The following DCLRE1C variants were observed in gnomAD, a reference collection of about 807,000 sequenced individuals.
DCLRE1C encodes protein artemis.
DCLRE1C carries 47 observed loss-of-function variants against 61.4 expected under a neutral mutation model. The ratio of observed to expected loss-of-function variants is 0.77; its 90% CI spans 0.61 to 0.98. The LOEUF (loss-of-function observed/expected upper bound fraction) is 0.98, where lower values mean the gene tolerates loss of function less well. Among genes scored for constraint, DCLRE1C ranks in the 50% least tolerant of loss-of-function variants. The probability of loss-of-function intolerance (pLI) is 0.00; values close to 1 mark genes in which losing one functional copy is unlikely to be tolerated. For missense variants in DCLRE1C, 858 were observed against 816.0 expected, an observed-to-expected ratio of 1.05 and a Z score of -0.63; for synonymous variants, 337 against 287.6, an observed-to-expected ratio of 1.17 and a Z score of -1.74.
At chr10:14,901,130 T>C (rs1379104754), downstream of DCLRE1C, 2 of 1,613,672 alleles carry the variant, frequency 1.2e-6, no homozygotes, top group Non-Finnish European at 1.7e-6. Context: ...TGTTCCTTTT[T>C]AGTGTGACCC....
Position 14,908,920 on chromosome 10 carries a change from T to C in DCLRE1C, c.1567A>G (p.Ser523Gly). ...AGGSQSPKLF[S>G]DSDGESTHIS... ...TGAGTTGATTCTCCATCAGAGTCAC[T>C]GAAAAGCTTTGGTGACTGAGATCCC... The change falls in exon 14 of 14, where the codon AGT becomes GGT. Residue 523 changes from serine to glycine, a missense_variant. Physicochemically the swap from Ser to Gly is moderately conservative, Grantham distance 56. This residue lies in a region of DCLRE1C where 843 missense variants were observed against 783.5 expected (regional missense o/e 1.08). Coordinates refer to ENST00000378278, the MANE Select transcript of DCLRE1C (RefSeq NM_001033855.3). The C allele has an allele frequency of 6.2e-7, 1 of 1,614,224 alleles. No homozygotes were observed. Among genetic ancestry groups the C allele is most frequent in the East Asian group, 2.2e-5 (1 of 44,880 alleles).
At chr10:14,935,935 G>C (rs1217785539) in intron 5 of DCLRE1C, among the ~76,000 whole-genome samples, 2 of 152,202 alleles carry the variant, frequency 1.3e-5, no homozygotes, top group Admixed American at 6.5e-5. Context: ...TGAGATAAGA[G>C]TCTTGCTCTG....
chr10:14,942,113 C>T (rs1238525125), intron 3 of DCLRE1C: 1 of 152,214 alleles, frequency 6.6e-6, no homozygotes, highest in Non-Finnish European at 1.5e-5. Flanking sequence ...ACATTGCTGA[C>T]CTTCTGGCTT....
At chr10:14,917,288 G>C (rs1244540013) in intron 13 of DCLRE1C, among the ~76,000 whole-genome samples, 1 of 152,054 alleles carries the variant, frequency 6.6e-6, no homozygotes, top group Non-Finnish European at 1.5e-5. Flanking sequence ...ACCTAAAATT[G>C]TAACAACTTC....
chr10:14,911,446 G>T (rs1275970893), intron 13 of DCLRE1C: 1 of 152,064 alleles, frequency 6.6e-6, no homozygotes, highest in Non-Finnish European at 1.5e-5. Context: ...GACCTAAAAA[G>T]GTAAAATTCA....
At chr10:14,901,150 G>A, downstream of DCLRE1C, 1 of 1,613,850 alleles carries the variant, frequency 6.2e-7, no homozygotes, top group Non-Finnish European at 8.5e-7. Context: ...CAAATCTTCA[G>A]GTGTTCAATG....
chr10:14,897,536 G>T, exon 14 of DCLRE1C: 1 of 1,491,828 alleles, frequency 6.7e-7, no homozygotes, highest in Non-Finnish European at 8.9e-7. Flanking sequence ...CATTTGCCAC[G>T]TAGTAAATGA....
intron 13 of DCLRE1C, among the ~76,000 whole-genome samples, chr10:14,909,991 TCCCA>T (rs542681438): frequency 1.4e-3 from 217 of 152,334 alleles, no homozygotes; most frequent in African/African-American, 4.8e-3. Context: ...ACAAATATTT[TCCCA>T]TCTTGTAACA....
At chr10:14,927,006 G>A in intron 10 of DCLRE1C, 109 bp from the exon 11 acceptor site, 1 of 834,264 alleles carries the variant, frequency 1.2e-6, no homozygotes, top group Non-Finnish European at 2.0e-6. Context: ...ACTCTAATGG[G>A]CTCGCTTCAG....
intron 4 of DCLRE1C, among the ~76,000 whole-genome samples, chr10:14,937,967 T>C (rs1840243169): frequency 6.6e-6 from 1 of 150,936 alleles, no homozygotes; most frequent in African/African-American, 2.4e-5. Flanking sequence ...CACATCATAC[T>C]GTTCGGCAAG....
At chr10:14,930,424 A>T (rs1365913025) in intron 9 of DCLRE1C, among the ~76,000 whole-genome samples, 1 of 148,564 alleles carries the variant, frequency 6.7e-6, no homozygotes, top group Non-Finnish European at 1.5e-5. Context: ...TGAGCCACTA[A>T]GTTTATGGGT....
chr10:14,919,769 C>T lies in DCLRE1C; in HGVS notation c.1125G>A (p.Leu375=). The change falls in exon 13 of 14, where the codon CTG becomes CTA. Residue 375 remains leucine, a synonymous_variant. Coordinates refer to ENST00000378278, the MANE Select transcript of DCLRE1C (RefSeq NM_001033855.3). ...TEPKYKPLGK[L]KRARTVHRDS... ...CTCGGTGAACTGTTCTAGCTCTCTTCAGTTTTCCCAGTGGTTTATACTTTG... is the reference window on the plus strand; with the variant it reads ...CTCGGTGAACTGTTCTAGCTCTCTTTAGTTTTCCCAGTGGTTTATACTTTG... 1 of 1,613,994 alleles carries T rather than the reference C, an allele frequency of 6.2e-7. No individual in the cohort carries two copies. The highest frequency in any genetic ancestry group is 8.5e-7 in the Non-Finnish European group (1 of 1,179,954).
At position 14,908,259 on chromosome 10, in the gene DCLRE1C, T is replaced by A; in HGVS notation, c.*149A>T. On this transcript the variant is annotated 3_prime_UTR_variant, in exon 14 of 14. Coordinates refer to ENST00000378278, the MANE Select transcript of DCLRE1C (RefSeq NM_001033855.3). ...TCCTGGGCTCAAGCCATTGCCCACC[T>A]CAAAGTGCTGGGATTACAAGTGTGA... The A allele has an allele frequency of 5.5e-6, 3 of 546,604 alleles. No individual in the cohort carries two copies. Among genetic ancestry groups the A allele is most frequent in the East Asian group, 4.3e-5 (1 of 23,070 alleles). The allele number at this position is 546,604 out of a possible 1,614,324, so 33.9% of individuals were successfully genotyped here.
intron 1 of DCLRE1C, among the ~76,000 whole-genome samples, chr10:14,950,512 A>C (rs1842310972): frequency 6.6e-6 from 1 of 152,148 alleles, no homozygotes; most frequent in Non-Finnish European, 1.5e-5. Flanking sequence ...AGCAGTCACC[A>C]CATGTCACTT....
At chr10:14,921,568 T>A (rs1448378560) in intron 12 of DCLRE1C, among the ~76,000 whole-genome samples, 2 of 152,198 alleles carry the variant, frequency 1.3e-5, no homozygotes, top group Admixed American at 6.5e-5. Flanking sequence ...ATCTGGCTTG[T>A]AACTCACAAG....
chr10:14,951,820 AG>A (rs1292290743), intron 1 of DCLRE1C, among the ~76,000 whole-genome samples: 1 of 152,158 alleles, frequency 6.6e-6, no homozygotes, highest in Non-Finnish European at 1.5e-5. Context: ...TCCTCCTAAA[AG>A]CCCCAGCCCC....
At chr10:14,954,379 G>A (rs1175654149), upstream of DCLRE1C, 4 of 368,550 alleles carry the variant, frequency 1.1e-5, no homozygotes, top group Non-Finnish European at 2.1e-5. Context: ...GGTGGCCCCA[G>A]CCGACGAGGT....
chr10:14,953,715 T>C (rs1237657460), intron 1 of DCLRE1C, among the ~76,000 whole-genome samples, 187 bp downstream of exon 1: 1 of 152,146 alleles, frequency 6.6e-6, no homozygotes, highest in African/African-American at 2.4e-5. Flanking sequence ...TTACGCCGCG[T>C]TGACCACATC....
intron 9 of DCLRE1C, among the ~76,000 whole-genome samples, chr10:14,932,026 T>C (rs1351179401): frequency 6.6e-6 from 1 of 151,628 alleles, no homozygotes; most frequent in Non-Finnish European, 1.5e-5. Context: ...AGAGCAAGGC[T>C]CGTCTCAAAA....
Sources: gnomAD v4.1 joint callset for allele counts (sites outside exome capture counted in the v4.1 genomes callset) on GRCh38, gnomAD v4.1.1 for gene constraint, gnomAD v4.1.1 regional missense constraint, MANE v1.5 for transcripts, NCBI Gene and HGNC (gene_info 2026-07-23, HGNC 2026-07-21) for gene names.